The following SH3BGRL2 variants were observed in gnomAD, a reference collection of about 807,000 sequenced individuals.
SH3BGRL2 encodes the protein SH3 domain-binding glutamic acid-rich-like protein 2.
Under a neutral mutation model 14.8 loss-of-function variants are expected in SH3BGRL2, and 21 were observed. The ratio of observed to expected loss-of-function variants is 1.42; its 90% confidence interval spans 1.01 to 2.05. SH3BGRL2 has a LOEUF of 2.05. Among genes scored for constraint, SH3BGRL2 ranks in the 30% most tolerant of loss-of-function variants. The pLI is 0.00. For missense variants in SH3BGRL2, 147 were observed against 130.8 expected (o/e 1.12, Z -0.61); for synonymous variants, 50 against 47.8 (o/e 1.05, Z -0.19).
chr6:79,694,339 C>T (rs867350432), intron 2 of SH3BGRL2, among the ~76,000 whole-genome samples: 69 of 152,260 alleles, frequency 4.5e-4, no homozygotes, highest in African/African-American at 1.7e-3. Context: ...AATTGTCAGG[C>T]AGAGAAAGTA....
At chr6:79,661,253 C>A (rs868655445) in intron 1 of SH3BGRL2, among the ~76,000 whole-genome samples, 50 of 152,302 alleles carry the variant, frequency 3.3e-4, no homozygotes, top group African/African-American at 1.1e-3. Context: ...TTCCTGCTTT[C>A]TCCTGTGGGC....
chr6:79,668,852 C>A (rs1232627678), intron 1 of SH3BGRL2, among the ~76,000 whole-genome samples: 1 of 152,116 alleles, frequency 6.6e-6, no homozygotes, highest in East Asian at 1.9e-4. Context: ...GAAGCAAAGT[C>A]TTTTTTCGCA....
upstream of SH3BGRL2, among the ~76,000 whole-genome samples, chr6:79,630,379 A>T (rs1768798696): frequency 6.6e-6 from 1 of 152,240 alleles, no homozygotes; most frequent in Non-Finnish European, 1.5e-5. Context: ...AAGTAAATAC[A>T]GTACAGCAGG....
intron 1 of SH3BGRL2, among the ~76,000 whole-genome samples, chr6:79,668,693 A>G (rs1206900113): frequency 6.6e-6 from 1 of 152,144 alleles, no homozygotes; most frequent in Non-Finnish European, 1.5e-5. Flanking sequence ...ATATTTATAA[A>G]TGTATCAACA....
Position 79,700,130 on chromosome 6 carries a change from C to A in SH3BGRL2, c.*621C>A, listed in dbSNP as rs1285030206. ...ATCCTACAGATGTTTCCAGAAATCC[C>A]TGTTGTAACATCAAGTGATCAGAAC... On this transcript the variant is annotated 3_prime_UTR_variant, in exon 4 of 4. Transcript: ENST00000369838. The A allele has an allele frequency of 6.6e-6, 1 of 152,176 alleles. No individual in the cohort carries two copies. The highest frequency in any genetic ancestry group is 1.5e-5 in the Non-Finnish European group (1 of 68,040). The allele number at this position is 152,176 out of a possible 1,614,324, so 9.4% of individuals were successfully genotyped here.
chr6:79,549,100 A>C, the SH3BGRL2 span, among the ~76,000 whole-genome samples: 1 of 152,264 alleles, frequency 6.6e-6, no homozygotes, highest in African/African-American at 2.4e-5. Context: ...TCCGTGAAAT[A>C]ACAGAAATGC....
chr6:79,694,690 G>T (rs754085717), intron 2 of SH3BGRL2, among the ~76,000 whole-genome samples: 1 of 151,632 alleles, frequency 6.6e-6, no homozygotes, highest in Non-Finnish European at 1.5e-5. Flanking sequence ...GTTTTTTCTC[G>T]TCTTTTTCAT....
chr6:79,680,539 T>C (rs4529260), intron 2 of SH3BGRL2, among the ~76,000 whole-genome samples: 47,708 of 152,086 alleles, frequency 0.31, 8,107 homozygotes, highest in South Asian at 0.46. Flanking sequence ...TTTTTCAAAA[T>C]TGTTTTGGCT....
At chr6:79,666,075 G>C (rs1769654436) in intron 1 of SH3BGRL2, among the ~76,000 whole-genome samples, 2 of 152,206 alleles carry the variant, frequency 1.3e-5, no homozygotes, top group Non-Finnish European at 2.9e-5. Flanking sequence ...GAGGGTTTCA[G>C]TTAGGAATGT....
chr6:79,686,268 T>G (rs1330038516), intron 2 of SH3BGRL2, among the ~76,000 whole-genome samples: 1 of 152,186 alleles, frequency 6.6e-6, no homozygotes, highest in Non-Finnish European at 1.5e-5. Flanking sequence ...ATCTGAAAAC[T>G]AGTGTCTTTT....
chr6:79,562,150 C>T, the SH3BGRL2 span, among the ~76,000 whole-genome samples: 2 of 152,072 alleles, frequency 1.3e-5, no homozygotes, highest in Admixed American at 1.3e-4. Flanking sequence ...TTCTCACAAA[C>T]TCAGAGTAAG....
chr6:79,585,129 T>C, the SH3BGRL2 span, among the ~76,000 whole-genome samples: 1 of 152,014 alleles, frequency 6.6e-6, no homozygotes, highest in Non-Finnish European at 1.5e-5. Context: ...TGATTTATTA[T>C]CCAAGGAACA....
chr6:79,695,632 T>C (rs1770315852), intron 2 of SH3BGRL2, among the ~76,000 whole-genome samples: 1 of 152,222 alleles, frequency 6.6e-6, no homozygotes, highest in African/African-American at 2.4e-5. Context: ...TTGAACAACA[T>C]ATTTCTTTGC....
the SH3BGRL2 span, among the ~76,000 whole-genome samples, chr6:79,620,416 C>T: frequency 9.9e-5 from 15 of 151,604 alleles, no homozygotes; most frequent in Non-Finnish European, 8.8e-5. Flanking sequence ...GCATGTTAGG[C>T]GCATGATTAT....
At chr6:79,699,247 C>T (rs1770398879) in intron 3 of SH3BGRL2, among the ~76,000 whole-genome samples, 3 of 152,110 alleles carry the variant, frequency 2.0e-5, no homozygotes, top group Admixed American at 2.0e-4. Context: ...AGAGGAATCT[C>T]AGTAGGTCAT....
At chr6:79,611,512 C>T in the SH3BGRL2 span, among the ~76,000 whole-genome samples, 34 of 151,202 alleles carry the variant, frequency 2.2e-4, 1 homozygote, top group Admixed American at 1.4e-3. Context: ...TGGGTTCAAG[C>T]AGTTCTCCCT....
chr6:79,562,689 C>T, the SH3BGRL2 span, among the ~76,000 whole-genome samples: 1 of 152,180 alleles, frequency 6.6e-6, no homozygotes, highest in East Asian at 1.9e-4. Context: ...CCTTTTCATA[C>T]TGTCTGTACT....
intron 1 of SH3BGRL2, among the ~76,000 whole-genome samples, chr6:79,636,598 TAAAAG>T (rs1054165493): frequency 2.6e-5 from 4 of 152,258 alleles, no homozygotes; most frequent in African/African-American, 9.6e-5. Context: ...GGTGCTTAAA[TAAAAG>T]AAATTTGTCT....
At chr6:79,546,854 GTA>G in the SH3BGRL2 span, among the ~76,000 whole-genome samples, 1 of 151,932 alleles carries the variant, frequency 6.6e-6, no homozygotes, top group South Asian at 2.1e-4. Context: ...TAATTTTTTT[GTA>G]TTTTTAGTAG....
Sources: gnomAD v4.1 joint callset for allele counts (sites outside exome capture counted in the v4.1 genomes callset) on GRCh38, gnomAD v4.1.1 for gene constraint, MANE v1.5 for transcripts, NCBI Gene and HGNC (gene_info 2026-07-23, HGNC 2026-07-21) for gene names.